TCF12: variants seen among roughly 807,000 people sequenced by gnomAD.
TCF12 encodes the protein transcription factor 12, also known as DNA-binding protein HTF4.
TCF12 carries 45 observed loss-of-function variants against 86.0 expected under a neutral mutation model. The observed-to-expected ratio is 0.52, with a 90% CI of 0.41 to 0.67. The LOEUF (loss-of-function observed/expected upper bound fraction) is 0.67, where lower values mean the gene tolerates loss of function less well. Among genes scored for constraint, TCF12 ranks in the 30% least tolerant of loss-of-function variants. TCF12 has a pLI of 0.00. For synonymous variants in TCF12, 330 were observed against 299.6 expected (o/e 1.10, Z -1.05); for missense variants, 881 against 859.9 (o/e 1.02, Z -0.31).
intron 4 of TCF12, among the ~76,000 whole-genome samples, chr15:57,084,667 A>G (rs2593227): frequency 0.012 from 1,887 of 152,200 alleles, 43 homozygotes; most frequent in African/African-American, 0.043. Context: ...TTCTCAAACT[A>G]TCTGCAAAAG....
At chr15:56,976,334 C>G (rs1306677179) in intron 3 of TCF12, among the ~76,000 whole-genome samples, 3 of 147,726 alleles carry the variant, frequency 2.0e-5, no homozygotes, top group African/African-American at 5.0e-5. Flanking sequence ...GGGTTCACGC[C>G]ATTCTCCTGC....
intron 7 of TCF12, among the ~76,000 whole-genome samples, chr15:57,196,532 CT>C (rs759422762): frequency 5.3e-5 from 8 of 152,140 alleles, no homozygotes; most frequent in Non-Finnish European, 8.8e-5. Flanking sequence ...TTCTCTCTTC[CT>C]AATAATGAGC....
At chr15:57,159,500 C>G (rs1342222887) in intron 5 of TCF12, among the ~76,000 whole-genome samples, 1 of 152,156 alleles carries the variant, frequency 6.6e-6, no homozygotes, top group Non-Finnish European at 1.5e-5. Flanking sequence ...GCTCATAAAA[C>G]TGTCATCAGA....
At chr15:57,266,868 C>T (rs1166956382) in intron 18 of TCF12, among the ~76,000 whole-genome samples, 1 of 152,040 alleles carries the variant, frequency 6.6e-6, no homozygotes, top group Non-Finnish European at 1.5e-5. Context: ...TAGATTCTGT[C>T]TCTACAAAAA....
chr15:57,206,327 C>T (rs759678020), intron 8 of TCF12, among the ~76,000 whole-genome samples: 19 of 152,024 alleles, frequency 1.2e-4, no homozygotes, highest in Non-Finnish European at 2.5e-4. Flanking sequence ...ATAGTGAAAC[C>T]CCTTCTCTAC....
At chr15:57,237,854 G>C (rs1393127235) in intron 12 of TCF12, among the ~76,000 whole-genome samples, 1 of 152,172 alleles carries the variant, frequency 6.6e-6, no homozygotes, top group Non-Finnish European at 1.5e-5. Context: ...TAAACACTCA[G>C]AGATAAAGCT....
At chr15:57,191,506 G>A (rs150885043) in intron 6 of TCF12, among the ~76,000 whole-genome samples, 15 of 152,264 alleles carry the variant, frequency 9.9e-5, no homozygotes, top group East Asian at 1.9e-4. Flanking sequence ...TTCTGCTGCC[G>A]TATGTGTTCA....
chr15:57,046,627 A>ATT (rs200411603), intron 3 of TCF12, among the ~76,000 whole-genome samples: 2 of 150,466 alleles, frequency 1.3e-5, no homozygotes, highest in Non-Finnish European at 3.0e-5. Flanking sequence ...ATGTTTTTTG[A>ATT]TTTTTTTTTA....
Position 57,226,037 on chromosome 15 carries a change from T to A in TCF12, c.580-5115T>A, listed in dbSNP as rs1340925425. Among the ~76,000 whole-genome samples, 3 of 136,542 alleles carry A rather than the reference T, an allele frequency of 2.2e-5. No individual in the cohort carries two copies. The Admixed American group carries it at 2.4e-4, about 11-fold the overall frequency. The allele number at this position is 136,542 out of a possible 152,430, so 89.6% of individuals were successfully genotyped here. ...TCCCCCCAGATTAATCAATTTAAAT[T>A]AAATTAATAATTTAAACACTAAAAA... On this transcript the variant is annotated intron_variant, in intron 8 of 20. Coordinates refer to ENST00000333725, the MANE Select transcript of TCF12 (RefSeq NM_207037.2).
Position 57,288,293 on chromosome 15 carries a change from A to G in TCF12, c.*2148A>G, listed in dbSNP as rs764799842. 5.6e-4 allele frequency: 86 copies of G among 152,752 alleles called. No individual in the cohort carries two copies. The highest frequency in any genetic ancestry group is 7.3e-4 in the Non-Finnish European group (50 of 68,040). The allele number at this position is 152,752 out of a possible 1,614,324, so 9.5% of individuals were successfully genotyped here. On this transcript the variant is annotated 3_prime_UTR_variant, in exon 21 of 21. Coordinates refer to ENST00000333725, the MANE Select transcript of TCF12 (RefSeq NM_207037.2). ...CCGTGTAGTACCTATGGAGTATTGT[A>G]AGAGCTAATTGTTGGAGATGAATTG...
At chr15:57,007,962 TCTCTCTCTCTCTCTCG>T (rs1348494182) in intron 3 of TCF12, among the ~76,000 whole-genome samples, 3 of 145,878 alleles carry the variant, frequency 2.1e-5, no homozygotes, top group African/African-American at 7.6e-5. Flanking sequence ...TTTCTCTCTG[TCTCTCTCTCTCTCTCG>T]CTCTCTCTCT....
intron 8 of TCF12, among the ~76,000 whole-genome samples, chr15:57,208,329 G>T (rs2057939985): frequency 6.7e-6 from 1 of 148,450 alleles, no homozygotes; most frequent in Non-Finnish European, 1.5e-5. Context: ...ACCGCCCCTG[G>T]CCAAGATTCT....
downstream of TCF12, chr15:57,290,954 G>C (rs945043757): frequency 2.6e-5 from 4 of 152,122 alleles, no homozygotes; most frequent in Admixed American, 6.6e-5. Flanking sequence ...ATCTCATTGG[G>C]CCAATGAGTC....
chr15:57,033,641 G>A (rs1290035911), intron 3 of TCF12, among the ~76,000 whole-genome samples: 1 of 151,864 alleles, frequency 6.6e-6, no homozygotes, highest in Non-Finnish European at 1.5e-5. Context: ...GGTACTGCAG[G>A]GACATGAACA....
chr15:57,186,599 A>G (rs1167038758), intron 6 of TCF12, among the ~76,000 whole-genome samples: 3 of 152,232 alleles, frequency 2.0e-5, no homozygotes, highest in Non-Finnish European at 2.9e-5. Flanking sequence ...CTGCCTAATT[A>G]ATTCTGTGAA....
chr15:57,274,852 C>A (rs894622429), intron 19 of TCF12, among the ~76,000 whole-genome samples: 7 of 152,166 alleles, frequency 4.6e-5, no homozygotes, highest in Non-Finnish European at 8.8e-5. Flanking sequence ...AGAATGCAGT[C>A]ATTTGTGTTT....
chr15:57,006,724 C>T (rs2064398812), intron 3 of TCF12, among the ~76,000 whole-genome samples: 1 of 151,186 alleles, frequency 6.6e-6, no homozygotes, highest in Non-Finnish European at 1.5e-5. Flanking sequence ...TAAGACCAGC[C>T]TGGCCAACAC....
At chr15:57,145,314 T>C (rs536707560) in intron 5 of TCF12, among the ~76,000 whole-genome samples, 1 of 152,336 alleles carries the variant, frequency 6.6e-6, no homozygotes, top group Admixed American at 6.5e-5. Flanking sequence ...ATCTTAGCAG[T>C]GTGCTCAGCC....
chr15:57,241,872 A>C (rs2059646238), intron 12 of TCF12, among the ~76,000 whole-genome samples: 1 of 151,966 alleles, frequency 6.6e-6, no homozygotes, highest in Non-Finnish European at 1.5e-5. Flanking sequence ...ACGCGGCTGT[A>C]GTGCTAACTA....
Sources: allele counts gnomAD v4.1 joint callset (sites outside exome capture counted in the v4.1 genomes callset), GRCh38; gene constraint gnomAD v4.1.1; transcripts MANE v1.5; gene names NCBI Gene and HGNC (gene_info 2026-07-23, HGNC 2026-07-21).